Variants in ROBO3 observed in about 807,000 individuals in gnomAD.
The protein encoded by ROBO3 is roundabout homolog 3.
In ROBO3, 97 loss-of-function variants were observed where a neutral mutation model predicts 160.5. The observed-to-expected ratio is 0.60, with a 90% CI of 0.51 to 0.72. ROBO3 has a LOEUF of 0.72. ROBO3 is among the 30% of genes least tolerant of loss of function. The pLI is 0.00. For missense variants in ROBO3, 1,858 were observed against 1,846.5 expected, an observed-to-expected ratio of 1.01 and a Z score of -0.11; for synonymous variants, 780 against 746.2, an observed-to-expected ratio of 1.05 and a Z score of -0.74.
intron 27 of ROBO3, among the ~76,000 whole-genome samples, 178 bp from the exon 28 acceptor site, chr11:124,881,058 AAAC>A (rs947624558): frequency 3.9e-5 from 6 of 152,170 alleles, no homozygotes; most frequent in Non-Finnish European, 8.8e-5. Context: ...TGTCTCAAAC[AAAC>A]AAACAGACAA....
intron 6 of ROBO3, 35 bp downstream of exon 6, chr11:124,870,763 A>G: frequency 6.2e-7 from 1 of 1,603,136 alleles, no homozygotes. Flanking sequence ...TGCAGCAGGA[A>G]TGGTAGGAGG....
At position 124,877,515 on chromosome 11, in the gene ROBO3, T is replaced by A; in HGVS notation, c.2847-4T>A. The A allele has an allele frequency of 6.2e-7, 1 of 1,601,198 alleles. No homozygotes were observed. The highest frequency in any genetic ancestry group is 1.7e-5 in the Admixed American group (1 of 57,926). ...GTCCCCAACGCTCACCTGCTCTCCC[T>A]CAGGCCACCCATGGGCCTTGGCCCC... On this transcript the variant is annotated splice_polypyrimidine_tract_variant and splice_region_variant and intron_variant, in intron 19 of 27. Coordinates refer to ENST00000397801, the MANE Select transcript of ROBO3 (RefSeq NM_022370.4).
rs2135342824 is a variant in ROBO3, at chr11:124,878,120, AG to A, written c.3175del (p.Asp1059ThrfsTer9). 1 of 1,606,786 alleles carries A rather than the reference AG, an allele frequency of 6.2e-7. No homozygotes were observed. ...WSQYAPPEWS[Q>X]GDSGAKGGKV... Reference sequence around the variant, plus strand: ...CAGTACGCTCCTCCAGAGTGGAGCCAGGGGGACAGTGGTATGACTCCAACTC... The same window carrying A: ...CAGTACGCTCCTCCAGAGTGGAGCCAGGGGACAGTGGTATGACTCCAACTC... On this transcript the variant is annotated frameshift_variant, in exon 21 of 28. Transcript: ENST00000397801. LOFTEE classifies it high-confidence loss of function. The surrounding 1 kb of genome is among the most constrained non-coding windows in gnomAD (Gnocchi z 4.3).
intron 27 of ROBO3, 42 bp downstream of exon 27, chr11:124,880,650 G>A (rs1461497165): frequency 6.7e-7 from 1 of 1,482,342 alleles, no homozygotes; most frequent in Non-Finnish European, 8.9e-7. Context: ...CAGAGGACTA[G>A]GGAAGGGTGG....
rs1053559245 is a variant in ROBO3 at position 124,865,815 on chromosome 11, G to A, written c.160+78G>A. ...AGGGCGGCGTGGAAGGGAAGGAGAA[G>A]CGCTCCTGTCCCGAGGTCCGGGATT... On this transcript the variant is annotated intron_variant, in intron 1 of 27. Transcript: ENST00000397801. This position sits in a 1 kb window ranked among gnomAD's most constrained non-coding sequence, Gnocchi z 5.5. 3.6e-5 allele frequency: 52 copies of A among 1,452,178 alleles called. No homozygotes were observed. The highest frequency in any genetic ancestry group is 4.5e-5 in the Non-Finnish European group (49 of 1,085,136). The allele number at this position is 1,452,178 out of a possible 1,614,324, so 90.0% of individuals were successfully genotyped here. A position where few individuals can be genotyped will look rare whatever the true frequency, so the allele number is the denominator to read the frequency against.
At position 124,870,174 on chromosome 11, in the gene ROBO3, C is replaced by T; in HGVS notation, c.776C>T (p.Ser259Leu). Residue 259 changes from serine (S) to leucine (L), a missense_variant, in exon 5 of 28, where the codon TCA becomes TTA. Physicochemically the swap from Ser to Leu is moderately radical, Grantham distance 145. Coordinates refer to ENST00000397801, the MANE Select transcript of ROBO3 (RefSeq NM_022370.4). ...CACTACCACTCCATAGAGCGTCCCT[C>T]ATTCCTGCGCAGACCAGTGAATCAG... ...AAEVMVLERPSFLRRPVNQVV... is the reference protein window; with the variant it reads ...AAEVMVLERPLFLRRPVNQVV... 6.2e-7 allele frequency: 1 copy of T among 1,614,056 alleles called. No homozygotes were observed. The highest frequency in any genetic ancestry group is 1.1e-5 in the South Asian group (1 of 91,088).
Position 124,876,575 on chromosome 11 carries a change from C to T in ROBO3, c.2779+115C>T. ...ACCGGGTCGGGAGAAAGGGGTCGCA[C>T]CTGGAGTTCAGCCTCTTGGGTAGGG... is the stretch of plus-strand genomic sequence containing the variant. On this transcript the variant is annotated intron_variant, in intron 17 of 27. Transcript: ENST00000397801. This position sits in a 1 kb window ranked among gnomAD's most constrained non-coding sequence, Gnocchi z 5.3. 1.1e-6 allele frequency: 1 copy of T among 896,358 alleles called. No homozygotes were observed. Among genetic ancestry groups the T allele is most frequent in the Non-Finnish European group, 1.5e-6 (1 of 654,072 alleles). 55.5% of individuals were successfully genotyped at this position (896,358 alleles called of 1,614,324 possible). A position where few individuals can be genotyped will look rare whatever the true frequency, so the allele number is the denominator to read the frequency against.
rs761307960 is a variant in ROBO3 at position 124,879,888 on chromosome 11, G to A, written c.3898G>A (p.Gly1300Arg). 1.5e-5 allele frequency: 24 copies of A among 1,611,694 alleles called. No individual in the cohort carries two copies. In the Admixed American group the frequency reaches 3.2e-4, roughly 21 times the overall value. ...SMSSLERERS[G>R]ERKAVQAVPL... ...GTCCTCCCTGGAGCGGGAGCGCAGT[G>A]GGGAGAGGAAAGCGGTCCAGGCCGT... Residue 1300 changes from glycine to arginine, a missense_variant, in exon 26 of 28, where the codon GGG becomes AGG. Physicochemically the swap from Gly to Arg is moderately radical, Grantham distance 125. Transcript: ENST00000397801.
chr11:124,874,241 G>C lies in ROBO3; in HGVS notation c.1951+5G>C, dbSNP rs1308669472. ...CTGAGCCTGTCCGTACACAGGGTAA[G>C]GTCAGAGTCCCTGGGCTCATGAGCA... On this transcript the variant is annotated splice_donor_5th_base_variant and intron_variant, in intron 12 of 27. Transcript: ENST00000397801. 6.2e-7 allele frequency: 1 copy of C among 1,608,304 alleles called. No homozygotes were observed. The highest frequency in any genetic ancestry group is 1.1e-5 in the South Asian group (1 of 90,806).
chr11:124,878,755 C>G lies in ROBO3; in HGVS notation c.3492C>G (p.Pro1164=), dbSNP rs1565315798. 5.6e-6 allele frequency: 9 copies of G among 1,613,788 alleles called. No individual in the cohort carries two copies. Among genetic ancestry groups the G allele is most frequent in the Non-Finnish European group, 7.6e-6 (9 of 1,179,874 alleles). Residue 1164 remains proline (P), a synonymous_variant, in exon 23 of 28, where the codon CCC becomes CCG. Transcript: ENST00000397801. This position sits in a 1 kb window ranked among gnomAD's most constrained non-coding sequence, Gnocchi z 4.3. ...ATLTPSPPDP[P]QPPTDMPHLH... is the part of the protein sequence containing the mutation. ...TTACACCCTCACCTCCTGACCCTCC[C>G]CAGCCCCCAACTGACATGCCCCATC...
At position 124,877,984 on chromosome 11, in the gene ROBO3, G is replaced by T. The variant is rs747584997; in HGVS notation, c.3034G>T (p.Ala1012Ser). 4.3e-6 allele frequency: 7 copies of T among 1,610,818 alleles called. No homozygotes were observed. Among genetic ancestry groups the T allele is most frequent in the Non-Finnish European group, 5.9e-6 (7 of 1,178,616 alleles). The change falls in exon 21 of 28, where the codon GCC (alanine) becomes TCC (serine). Residue 1012 changes from alanine to serine, a missense_variant. Physicochemically the swap from Ala to Ser is moderately conservative, Grantham distance 99. Coordinates refer to ENST00000397801, the MANE Select transcript of ROBO3 (RefSeq NM_022370.4). ...AGCTCAGACGGCCAGGGGCACGGCC[G>T]CCCCTGGCGAGGGTCCTGTCTATAG... is the stretch of plus-strand genomic sequence containing the variant. ...YLAQTARGTA[A>S]PGEGPVYSTI...
At position 124,876,293 on chromosome 11, in the gene ROBO3, A is replaced by T; in HGVS notation, c.2612A>T (p.Glu871Val). 1 of 1,461,752 alleles carries T rather than the reference A, an allele frequency of 6.8e-7. No individual in the cohort carries two copies. The highest frequency in any genetic ancestry group is 8.9e-7 in the Non-Finnish European group (1 of 1,119,406). The allele number at this position is 1,461,752 out of a possible 1,614,324, so 90.5% of individuals were successfully genotyped here. ...LVQLPSPPDL[E>V]PGLEVGAGLA... ...CCCACAGCGTCCCCGCCGGACCTGGAGCCCGGGCTGGAGGTGGGCGCGGGG... is the reference window on the plus strand; with the variant it reads ...CCCACAGCGTCCCCGCCGGACCTGGTGCCCGGGCTGGAGGTGGGCGCGGGG... The change falls in exon 17 of 28, where the codon GAG (glutamate) becomes GTG (valine). Residue 871 changes from glutamate to valine, a missense_variant. Coordinates refer to ENST00000397801, the MANE Select transcript of ROBO3 (RefSeq NM_022370.4). The surrounding 1 kb of genome is among the most constrained non-coding windows in gnomAD (Gnocchi z 5.3).
rs759869248 is a variant in ROBO3 at position 124,869,122 on chromosome 11, G to T, written c.481G>T (p.Val161Leu). Residue 161 changes from valine to leucine, a missense_variant, in exon 2 of 28, where the codon GTG (valine) becomes TTG (leucine). By Grantham distance (32) the Val-to-Leu change is conservative. Transcript: ENST00000397801. This position sits in a 1 kb window ranked among gnomAD's most constrained non-coding sequence, Gnocchi z 4.2. The stretch of plus-strand genomic sequence containing the variant: ...AGCGAGCAGAAACGCCTCGCTGGAA[G>T]TGGCAGGTGAGAGTCAGTTGACCGT... ...AAASRNASLE[V>L]AVLRDDFRQS... The T allele has an allele frequency of 3.9e-6, 6 of 1,554,138 alleles. No homozygotes were observed. The highest frequency in any genetic ancestry group is 5.2e-6 in the Non-Finnish European group (6 of 1,150,322).
At chr11:124,881,180 T>C in intron 27 of ROBO3, 59 bp from the exon 28 acceptor site, 1 of 1,561,932 alleles carries the variant, frequency 6.4e-7, no homozygotes, top group Middle Eastern at 1.7e-4. Flanking sequence ...GAGCCCTTCC[T>C]GGACTTGTTT....
rs1199240173 is a variant in ROBO3 at position 124,871,112 on chromosome 11, A to G, written c.1132A>G (p.Ile378Val). 1 of 1,613,356 alleles carries G rather than the reference A, an allele frequency of 6.2e-7. No individual in the cohort carries two copies. Among genetic ancestry groups the G allele is most frequent in the East Asian group, 2.2e-5 (1 of 44,878 alleles). The change falls in exon 7 of 28, where the codon ATC (isoleucine) becomes GTC (valine). Residue 378 changes from isoleucine (I) to valine (V), a missense_variant. Physicochemically the swap from Ile to Val is conservative, Grantham distance 29 (BLOSUM62 3). Transcript: ENST00000397801. ...CETKGNPPPA[I>V]FWQKEGSQVL... ...GACCAAAGGAAACCCCCCACCTGCC[A>G]TCTTCTGGCAGAAGGAGGGGAGTCA...
intron 6 of ROBO3, 141 bp downstream of exon 6, chr11:124,870,869 G>C (rs950868473): frequency 1.1e-5 from 17 of 1,515,964 alleles, no homozygotes; most frequent in Non-Finnish European, 1.5e-5. Context: ...GTGGGAGGAG[G>C]AGAACACTAA....
Position 124,868,757 on chromosome 11 carries a change from C to T in ROBO3, c.161-45C>T, listed in dbSNP as rs535391228. 61 of 1,544,640 alleles carry T rather than the reference C, an allele frequency of 3.9e-5. 2 individuals are homozygous for T. In the African/African-American group the frequency reaches 5.3e-4, roughly 13 times the overall value. ...TCCCTCTGGAGCCTCAATCTCTCCC[C>T]ACAATTTCCCTGTCTGAACGCTCTG... is the stretch of plus-strand genomic sequence containing the variant. On this transcript the variant is annotated intron_variant, in intron 1 of 27. Coordinates refer to ENST00000397801, the MANE Select transcript of ROBO3 (RefSeq NM_022370.4).
At chr11:124,874,677 G>T (rs1049597566) in intron 12 of ROBO3, 111 bp from the exon 13 acceptor site, 1 of 1,280,378 alleles carries the variant, frequency 7.8e-7, no homozygotes, top group Non-Finnish European at 1.0e-6. Flanking sequence ...TGACCATGGG[G>T]TGTGCTCTGG....
At chr11:124,875,084 T>C (rs373790926) in intron 13 of ROBO3, 27 bp from the exon 14 acceptor site, 4 of 1,565,658 alleles carry the variant, frequency 2.6e-6, no homozygotes, top group Non-Finnish European at 3.5e-6. Flanking sequence ...CCTCCCCTTC[T>C]GGTGTGCCTT....
Sources: gnomAD v4.1 joint callset for allele counts (sites outside exome capture counted in the v4.1 genomes callset) on GRCh38, gnomAD v4.1.1 for gene constraint, Gnocchi (gnomAD v3.1) non-coding constraint, MANE v1.5 for transcripts, NCBI Gene and HGNC (gene_info 2026-07-23, HGNC 2026-07-21) for gene names.